The following OLFM4 variants were observed in gnomAD, a reference collection of about 807,000 sequenced individuals.
OLFM4 encodes the protein olfactomedin-4.
OLFM4 carries 22 observed loss-of-function variants against 25.5 expected under a neutral mutation model. The observed-to-expected ratio is 0.86, with a 90% CI of 0.62 to 1.23. The LOEUF (loss-of-function observed/expected upper bound fraction) is 1.23, where lower values mean the gene tolerates loss of function less well. Among genes scored for constraint, OLFM4 ranks in the 50% most tolerant of loss-of-function variants. The pLI is 0.00. For missense variants in OLFM4, 594 were observed against 619.4 expected, an observed-to-expected ratio of 0.96 and a Z score of 0.44; for synonymous variants, 255 against 237.7, an observed-to-expected ratio of 1.07 and a Z score of -0.67.
At position 53,029,480 on chromosome 13, in the gene OLFM4, G is replaced by C. The variant is rs184236705; in HGVS notation, c.204+440G>C. Among the ~76,000 whole-genome samples the C allele has an allele frequency of 4.2e-3, 633 of 152,272 alleles. 6 individuals carry two copies. Among genetic ancestry groups the C allele is most frequent in the African/African-American group, 0.015 (616 of 41,536 alleles). On this transcript the variant is annotated intron_variant, in intron 1 of 4. Transcript: ENST00000219022. ...AAGACTCTGTGAGTTGCAGCTCTGG[G>C]AAGTTTGTCCAGTTGTTTTGCTGCC...
intron 1 of OLFM4, among the ~76,000 whole-genome samples, chr13:53,031,332 AC>A (rs751210193): frequency 2.0e-5 from 3 of 152,168 alleles, no homozygotes; most frequent in African/African-American, 4.8e-5. Context: ...TAAGTTCCAA[AC>A]ATATCATTTT....
At chr13:53,045,869 TA>T (rs1380474074) in intron 4 of OLFM4, among the ~76,000 whole-genome samples, 1 of 152,216 alleles carries the variant, frequency 6.6e-6, no homozygotes, top group African/African-American at 2.4e-5. Context: ...TTTTTTCCCT[TA>T]AAACTTCAGT....
intron 3 of OLFM4, among the ~76,000 whole-genome samples, 177 bp downstream of exon 3, chr13:53,042,299 A>C (rs768314995): frequency 3.9e-4 from 60 of 152,236 alleles, no homozygotes; most frequent in Admixed American, 1.4e-3. Context: ...TTTGAATAGT[A>C]AGTTAAGCAC....
intron 1 of OLFM4, among the ~76,000 whole-genome samples, chr13:53,031,445 T>C (rs1359116214): frequency 6.6e-6 from 1 of 152,218 alleles, no homozygotes; most frequent in Non-Finnish European, 1.5e-5. Flanking sequence ...TTAAATCACC[T>C]TAAATGTGAG....
intron 1 of OLFM4, among the ~76,000 whole-genome samples, chr13:53,033,194 TA>T (rs1954638143): frequency 1.3e-5 from 2 of 152,352 alleles, no homozygotes; most frequent in South Asian, 4.1e-4. Context: ...AAGTGTCATT[TA>T]AAAATATGCG....
intron 1 of OLFM4, among the ~76,000 whole-genome samples, chr13:53,033,049 G>C (rs1313363996): frequency 6.6e-6 from 1 of 152,158 alleles, no homozygotes; most frequent in Non-Finnish European, 1.5e-5. Flanking sequence ...TTTCAGATGA[G>C]ATCATTAAAA....
At chr13:53,042,473 A>T (rs528924317) in intron 3 of OLFM4, among the ~76,000 whole-genome samples, 1 of 152,312 alleles carries the variant, frequency 6.6e-6, no homozygotes, top group African/African-American at 2.4e-5. Flanking sequence ...ATTTATCCTC[A>T]TGGAACTAGA....
At position 53,050,451 on chromosome 13, in the gene OLFM4, A is replaced by T; in HGVS notation, c.1213A>T (p.Met405Leu). The T allele has an allele frequency of 6.2e-7, 1 of 1,614,098 alleles. No individual in the cohort carries two copies. The highest frequency in any genetic ancestry group is 8.5e-7 in the Non-Finnish European group (1 of 1,179,982). The change falls in exon 5 of 5, where the codon ATG becomes TTG. Residue 405 changes from methionine to leucine, a missense_variant. Coordinates refer to ENST00000219022, the MANE Select transcript of OLFM4 (RefSeq NM_006418.5). ...TTCAACTGAAGCCAGCACTGGTAACATGGTGATTAGTAAACTCAATGACAC... is the reference window on the plus strand; with the variant it reads ...TTCAACTGAAGCCAGCACTGGTAACTTGGTGATTAGTAAACTCAATGACAC... ...IYSTEASTGN[M>L]VISKLNDTTL...
intron 1 of OLFM4, among the ~76,000 whole-genome samples, chr13:53,029,629 G>A (rs894730617): frequency 6.6e-4 from 100 of 152,222 alleles, no homozygotes; most frequent in African/African-American, 2.4e-3. Flanking sequence ...GAAATAAGGG[G>A]GGAGTTACTG....
rs529298116 is a variant in OLFM4 at position 53,028,982 on chromosome 13, G to A, written c.146G>A (p.Ser49Asn). The A allele has an allele frequency of 6.2e-7, 1 of 1,614,180 alleles. No homozygotes were observed. Among genetic ancestry groups the A allele is most frequent in the African/African-American group, 1.3e-5 (1 of 75,050 alleles). ...GACTCCAGCTCCAGCTTCAGCTCCA[G>A]CTCCAGGTCGGGCTCCAGCTCCAGC... is the stretch of plus-strand genomic sequence containing the variant. ...GVDSSSSFSSSSRSGSSSSRS... is the reference protein window; with the variant it reads ...GVDSSSSFSSNSRSGSSSSRS... Residue 49 changes from serine (S) to asparagine (N), a missense_variant, in exon 1 of 5, where the codon AGC (serine) becomes AAC (asparagine). Transcript: ENST00000219022.
rs1014337732 is a variant in OLFM4 at position 53,051,623 on chromosome 13, T to A, written c.*852T>A. ...GGAACTGATCTAAGATTAGAAAAAT[T>A]AATTTTCTTTAATTTCATTATGAAC... is the stretch of plus-strand genomic sequence containing the variant. On this transcript the variant is annotated 3_prime_UTR_variant, in exon 5 of 5. Transcript: ENST00000219022. The A allele has an allele frequency of 3.3e-5, 5 of 152,174 alleles. No homozygotes were observed. The highest frequency in any genetic ancestry group is 5.9e-5 in the Non-Finnish European group (4 of 68,034). 9.4% of individuals were successfully genotyped at this position (152,174 alleles called of 1,614,324 possible).
At chr13:53,030,978 T>C (rs750326925) in intron 1 of OLFM4, among the ~76,000 whole-genome samples, 1 of 152,202 alleles carries the variant, frequency 6.6e-6, no homozygotes, top group Non-Finnish European at 1.5e-5. Context: ...TAATTTATTA[T>C]GAAGCTCCAT....
intron 1 of OLFM4, 95 bp downstream of exon 1, chr13:53,029,135 C>A: frequency 6.5e-7 from 1 of 1,537,690 alleles, no homozygotes; most frequent in Non-Finnish European, 8.8e-7. Context: ...TAGACCTGGG[C>A]ACTCTAAAAG....
At chr13:53,042,630 C>A (rs1299023534) in intron 3 of OLFM4, among the ~76,000 whole-genome samples, 1 of 152,158 alleles carries the variant, frequency 6.6e-6, no homozygotes, top group Admixed American at 6.5e-5. Context: ...TGGATAAAGA[C>A]CATCACATTA....
chr13:53,049,863 A>G, intron 4 of OLFM4, 106 bp from the exon 5 acceptor site: 1 of 1,239,078 alleles, frequency 8.1e-7, no homozygotes, highest in Non-Finnish European at 1.1e-6. Context: ...TTGAACCTTG[A>G]CAGGAAAAAT....
At chr13:53,044,145 C>G (rs61328016) in intron 4 of OLFM4, among the ~76,000 whole-genome samples, 85 of 152,282 alleles carry the variant, frequency 5.6e-4, no homozygotes, top group African/African-American at 1.9e-3. Flanking sequence ...AGCTCGGAAC[C>G]TTATGATCGG....
intron 4 of OLFM4, among the ~76,000 whole-genome samples, chr13:53,044,210 C>A (rs1385235776): frequency 6.6e-6 from 1 of 152,106 alleles, no homozygotes; most frequent in Non-Finnish European, 1.5e-5. Context: ...GAAGCGAAAG[C>A]CTTGCAGCAA....
At chr13:53,044,779 A>C (rs1954706836) in intron 4 of OLFM4, among the ~76,000 whole-genome samples, 1 of 152,196 alleles carries the variant, frequency 6.6e-6, no homozygotes, top group African/African-American at 2.4e-5. Flanking sequence ...TTAGTGGTGC[A>C]AAAATGTAGC....
At chr13:53,044,691 C>T (rs1002659386) in intron 4 of OLFM4, among the ~76,000 whole-genome samples, 8 of 152,106 alleles carry the variant, frequency 5.3e-5, no homozygotes, top group Non-Finnish European at 1.0e-4. Context: ...GTTCAAATTT[C>T]GCATCCTGCA....
Sources: gnomAD v4.1 joint callset for allele counts (sites outside exome capture counted in the v4.1 genomes callset) on GRCh38, gnomAD v4.1.1 for gene constraint, MANE v1.5 for transcripts, NCBI Gene and HGNC (gene_info 2026-07-23, HGNC 2026-07-21) for gene names.